MED29: variants seen among roughly 807,000 people sequenced by gnomAD.
The protein encoded by MED29 is mediator complex subunit 29, also known as mediator of RNA polymerase II transcription subunit 29.
MED29 carries 14 observed loss-of-function variants against 22.0 expected under a neutral mutation model. The observed-to-expected ratio is 0.64, with a 90% CI of 0.42 to 0.99. MED29 has a LOEUF of 0.99. MED29 is among the 50% of genes least tolerant of loss of function. The pLI is 0.00. For missense variants in MED29, 241 were observed against 253.7 expected, an observed-to-expected ratio of 0.95 and a Z score of 0.34; for synonymous variants, 123 against 107.8, an observed-to-expected ratio of 1.14 and a Z score of -0.87.
At chr19:39,396,999 G>C (rs1416366992) in intron 3 of MED29, among the ~76,000 whole-genome samples, 3 of 151,588 alleles carry the variant, frequency 2.0e-5, no homozygotes, top group African/African-American at 7.3e-5. Flanking sequence ...TTGCACTCCA[G>C]CCTGGGCAAC....
chr19:39,397,752 G>T lies in MED29; in HGVS notation c.*53G>T. The T allele has an allele frequency of 6.3e-7, 1 of 1,581,144 alleles. No homozygotes were observed. Among genetic ancestry groups the T allele is most frequent in the Non-Finnish European group, 8.6e-7 (1 of 1,167,272 alleles). On this transcript the variant is annotated 3_prime_UTR_variant, in exon 4 of 4. Coordinates refer to ENST00000315588, the MANE Select transcript of MED29 (RefSeq NM_017592.4). ...GTGGTTGGTGGGTGGTGTGCAAAGG[G>T]AATGAAGAGCGTCCTGGGCCTAAAC...
chr19:39,397,670 C>T lies in MED29; in HGVS notation c.574C>T (p.Pro192Ser), dbSNP rs1016059672. Residue 192 changes from proline to serine, a missense_variant, in exon 4 of 4, where the codon CCA (proline) becomes TCA (serine). By Grantham distance (74) the Pro-to-Ser change is moderately conservative. Coordinates refer to ENST00000315588, the MANE Select transcript of MED29 (RefSeq NM_017592.4). Reference sequence around the variant, plus strand: ...CAAGGTCACGGGCAAGACACCCGCACCACCTGCTGGCCCTGGGGGCACTCT... The same window carrying T: ...CAAGGTCACGGGCAAGACACCCGCATCACCTGCTGGCCCTGGGGGCACTCT... Reference protein sequence around the residue: ...ANKVTGKTPAPPAGPGGTL With the variant: ...ANKVTGKTPASPAGPGGTL 13 of 1,611,472 alleles carry T rather than the reference C, an allele frequency of 8.1e-6. No individual in the cohort carries two copies. The highest frequency in any genetic ancestry group is 1.1e-5 in the Non-Finnish European group (13 of 1,179,868).
chr19:39,392,358 A>T (rs1272556281), intron 1 of MED29, 106 bp from the exon 2 acceptor site: 1 of 1,025,818 alleles, frequency 9.7e-7, no homozygotes, highest in Non-Finnish European at 1.5e-6. Context: ...GTGCCAGTTG[A>T]AAAGAAAACC....
At chr19:39,397,094 G>A (rs1162273722) in intron 3 of MED29, among the ~76,000 whole-genome samples, 1 of 152,040 alleles carries the variant, frequency 6.6e-6, no homozygotes, top group Non-Finnish European at 1.5e-5. Context: ...GGGGTGAGAT[G>A]CCACTGCCAA....
chr19:39,391,487 C>A lies in MED29; in HGVS notation c.65C>A (p.Ser22Ter). Residue 22 changes from serine (S) to a stop codon, truncating the protein, a stop_gained, in exon 1 of 4, where the codon TCG becomes TAG. Coordinates refer to ENST00000315588, the MANE Select transcript of MED29 (RefSeq NM_017592.4). LOFTEE classifies it high-confidence loss of function. The stretch of plus-strand genomic sequence containing the variant: ...GCTGCTGGTGTATCGGGTCCTAGTT[C>A]GGCTGGCGGCCCGGGTCCCCAGCAG... The part of the protein sequence containing the change: ...SSAAGVSGPS[S>*]AGGPGPQQQP... The A allele has an allele frequency of 6.2e-7, 1 of 1,612,974 alleles. No homozygotes were observed. Among genetic ancestry groups the A allele is most frequent in the South Asian group, 1.1e-5 (1 of 91,068 alleles).
Position 39,397,781 on chromosome 19 carries a change from G to C in MED29, c.*82G>C. ...GAAGAGCGTCCTGGGCCTAAACACAGCAGCCTCCTCTCTTCCTGCCTGAGC... is the reference window on the plus strand; with the variant it reads ...GAAGAGCGTCCTGGGCCTAAACACACCAGCCTCCTCTCTTCCTGCCTGAGC... On this transcript the variant is annotated 3_prime_UTR_variant, in exon 4 of 4. Coordinates refer to ENST00000315588, the MANE Select transcript of MED29 (RefSeq NM_017592.4). 6.5e-7 allele frequency: 1 copy of C among 1,527,414 alleles called. No homozygotes were observed. Among genetic ancestry groups the C allele is most frequent in the East Asian group, 2.3e-5 (1 of 42,778 alleles). The allele number at this position is 1,527,414 out of a possible 1,614,324, so 94.6% of individuals were successfully genotyped here.
chr19:39,392,554 A>C (rs747244162), intron 2 of MED29, 32 bp downstream of exon 2: 2 of 1,583,266 alleles, frequency 1.3e-6, no homozygotes, highest in South Asian at 2.2e-5. Context: ...AGGATATTCT[A>C]TTGCCTTCCC....
chr19:39,394,328 C>G (rs889289054), intron 3 of MED29, among the ~76,000 whole-genome samples: 4 of 152,116 alleles, frequency 2.6e-5, no homozygotes, highest in Non-Finnish European at 5.9e-5. Context: ...GTGGCACGAT[C>G]TAGGCTCACT....
intron 3 of MED29, among the ~76,000 whole-genome samples, chr19:39,395,928 A>AT (rs58286449): frequency 6.6e-5 from 10 of 150,512 alleles, no homozygotes; most frequent in Non-Finnish European, 1.3e-4. Flanking sequence ...AAAAAAAAAA[A>AT]GGAGGACTGT....
In MED29 at chr19:39,391,471, G is replaced by A. The variant is rs1259508506; in HGVS notation, c.49G>A (p.Val17Ile). 6.2e-7 allele frequency: 1 copy of A among 1,613,564 alleles called. No individual in the cohort carries two copies. The highest frequency in any genetic ancestry group is 8.5e-7 in the Non-Finnish European group (1 of 1,179,886). Residue 17 changes from valine to isoleucine, a missense_variant, in exon 1 of 4, where the codon GTA (valine) becomes ATA (isoleucine). Val to Ile is a conservative substitution (Grantham distance 29). Transcript: ENST00000315588. ...QASAASSAAG[V>I]SGPSSAGGPG... ...TTCAGCGGCTTCCTCAGCTGCTGGT[G>A]TATCGGGTCCTAGTTCGGCTGGCGG... is the stretch of plus-strand genomic sequence containing the variant.
Position 39,397,492 on chromosome 19 carries a change from C to G in MED29, c.396C>G (p.Asp132Glu). Reference protein sequence around the residue: ...LAHECLSQSCDSAKHSPTLVP... With the variant: ...LAHECLSQSCESAKHSPTLVP... Reference sequence around the variant, plus strand: ...ATGAGTGCCTGTCACAGAGTTGTGACAGTGCCAAGCACTCTCCAACGTTGG... The same window carrying G: ...ATGAGTGCCTGTCACAGAGTTGTGAGAGTGCCAAGCACTCTCCAACGTTGG... Residue 132 changes from aspartate (D) to glutamate (E), a missense_variant, in exon 4 of 4, where the codon GAC becomes GAG. Physicochemically the swap from Asp to Glu is conservative, Grantham distance 45 (BLOSUM62 2). Transcript: ENST00000315588. The G allele has an allele frequency of 6.2e-7, 1 of 1,609,820 alleles. No individual in the cohort carries two copies. The highest frequency in any genetic ancestry group is 1.7e-5 in the Admixed American group (1 of 60,026).
At chr19:39,393,413 G>T (rs530065407) in intron 2 of MED29, 140 bp from the exon 3 acceptor site, 82 of 753,238 alleles carry the variant, frequency 1.1e-4, no homozygotes, top group Admixed American at 3.4e-4. Flanking sequence ...CTTTTTTTTT[G>T]AACCCCTCCG....
Position 39,392,526 on chromosome 19 carries a change from A to C in MED29, c.275+4A>C. On this transcript the variant is annotated splice_donor_region_variant and intron_variant, in intron 2 of 3. Transcript: ENST00000315588. ...ACACTAACATCGACAATGGACAGTG[A>C]GTGCAGCCCCCTTTACCAGGATATT... The C allele has an allele frequency of 1.2e-6, 2 of 1,613,350 alleles. No individual in the cohort carries two copies. The highest frequency in any genetic ancestry group is 1.7e-6 in the Non-Finnish European group (2 of 1,179,594).
At chr19:39,395,213 C>T (rs1244264076) in intron 3 of MED29, among the ~76,000 whole-genome samples, 1 of 152,152 alleles carries the variant, frequency 6.6e-6, no homozygotes, top group African/African-American at 2.4e-5. Flanking sequence ...ATGTTCCAAA[C>T]AGAGGGAATA....
intron 1 of MED29, among the ~76,000 whole-genome samples, 166 bp from the exon 2 acceptor site, chr19:39,392,298 A>C (rs1462221907): frequency 6.6e-6 from 1 of 152,176 alleles, no homozygotes; most frequent in Non-Finnish European, 1.5e-5. Context: ...TGGAGTGGTG[A>C]CAGCTATAGG....
rs768054280 is a variant in MED29, at chr19:39,397,616, A to G, written c.520A>G (p.Ile174Val). 1 of 1,613,748 alleles carries G rather than the reference A, an allele frequency of 6.2e-7. No individual in the cohort carries two copies. The highest frequency in any genetic ancestry group is 1.1e-5 in the South Asian group (1 of 91,080). The stretch of plus-strand genomic sequence containing the variant: ...AGCCCAGATTTCCTGTGCCAAGGAC[A>G]TTCACACCGCCCTGCTGGACTGTGC... ...IKAQISCAKD[I>V]HTALLDCANK... The change falls in exon 4 of 4, where the codon ATT becomes GTT. Residue 174 changes from isoleucine (I) to valine (V), a missense_variant. Coordinates refer to ENST00000315588, the MANE Select transcript of MED29 (RefSeq NM_017592.4).
rs144319563 is a variant in MED29 at position 39,393,561 on chromosome 19, G to A, written c.284G>A (p.Ser95Asn). 2 of 1,614,076 alleles carry A rather than the reference G, an allele frequency of 1.2e-6. No homozygotes were observed. The highest frequency in any genetic ancestry group is 2.2e-5 in the East Asian group (1 of 44,876). ...TTTTTCCTTGTCTGTAGAAAGAGCAGTGATGGACCCATACAGCGCTTTGAC... is the reference window on the plus strand; with the variant it reads ...TTTTTCCTTGTCTGTAGAAAGAGCAATGATGGACCCATACAGCGCTTTGAC... ...NTNIDNGQKS[S>N]DGPIQRFDKC... Residue 95 changes from serine (S) to asparagine (N), a missense_variant, in exon 3 of 4, where the codon AGT (serine) becomes AAT (asparagine). By Grantham distance (46) the Ser-to-Asn change is conservative. Coordinates refer to ENST00000315588, the MANE Select transcript of MED29 (RefSeq NM_017592.4).
At chr19:39,394,929 C>G (rs1216341573) in intron 3 of MED29, among the ~76,000 whole-genome samples, 1 of 150,466 alleles carries the variant, frequency 6.6e-6, no homozygotes. Context: ...GGCACAGTCT[C>G]GGCTCACTGC....
Position 39,391,528 on chromosome 19 carries a change from G to A in MED29, c.106G>A (p.Ala36Thr). 2 of 1,613,768 alleles carry A rather than the reference G, an allele frequency of 1.2e-6. No homozygotes were observed. The highest frequency in any genetic ancestry group is 8.5e-7 in the Non-Finnish European group (1 of 1,180,008). ...TCCCCAGCAGCAGCCGCAACCGCCAGCACAACTGGTGGGCCCTGCCCAGAG... is the reference window on the plus strand; with the variant it reads ...TCCCCAGCAGCAGCCGCAACCGCCAACACAACTGGTGGGCCCTGCCCAGAG... ...PGPQQQPQPP[A>T]QLVGPAQSGL... is the part of the protein sequence containing the mutation. Residue 36 changes from alanine to threonine, a missense_variant, in exon 1 of 4, where the codon GCA becomes ACA. By Grantham distance (58) the Ala-to-Thr change is moderately conservative (BLOSUM62 0). Transcript: ENST00000315588.
Sources: gnomAD v4.1 joint callset for allele counts (sites outside exome capture counted in the v4.1 genomes callset) on GRCh38, gnomAD v4.1.1 for gene constraint, MANE v1.5 for transcripts, NCBI Gene and HGNC (gene_info 2026-07-23, HGNC 2026-07-21) for gene names.